The following N4BP2 variants were observed in gnomAD, a reference collection of about 807,000 sequenced individuals.
N4BP2 encodes NEDD4-binding protein 2.
N4BP2 carries 91 observed loss-of-function variants against 152.8 expected under a neutral mutation model. The ratio of observed to expected loss-of-function variants is 0.60; its 90% CI spans 0.50 to 0.71. The LOEUF (loss-of-function observed/expected upper bound fraction) is 0.71, where lower values mean the gene tolerates loss of function less well. N4BP2 is among the 30% of genes least tolerant of loss of function. The pLI is 0.00. For missense variants in N4BP2, 1,923 were observed against 2,059.1 expected, an observed-to-expected ratio of 0.93 and a Z score of 1.28; for synonymous variants, 646 against 705.3, an observed-to-expected ratio of 0.92 and a Z score of 1.33.
chr4:40,072,827 C>T (rs1293317173), intron 1 of N4BP2, among the ~76,000 whole-genome samples: 1 of 151,058 alleles, frequency 6.6e-6, no homozygotes, highest in African/African-American at 2.4e-5. Flanking sequence ...CCAGGTGATT[C>T]TCCTGTCTCA....
At chr4:40,158,870 T>C (rs1351018948), downstream of N4BP2, among the ~76,000 whole-genome samples, 1 of 152,234 alleles carries the variant, frequency 6.6e-6, no homozygotes, top group Non-Finnish European at 1.5e-5. Flanking sequence ...TCACTCATTT[T>C]GCAAGGACTT....
chr4:40,065,438 C>G (rs942124871), intron 1 of N4BP2, among the ~76,000 whole-genome samples: 2 of 151,836 alleles, frequency 1.3e-5, no homozygotes, highest in African/African-American at 4.8e-5. Context: ...AGAGGTAAAT[C>G]GAACAAAAGA....
At chr4:40,095,081 T>A (rs541661245) in intron 2 of N4BP2, among the ~76,000 whole-genome samples, 7 of 151,776 alleles carry the variant, frequency 4.6e-5, no homozygotes, top group Non-Finnish European at 8.8e-5. Flanking sequence ...TGGCCAGGGT[T>A]ACTATATCTT....
In N4BP2 at chr4:40,145,595, C is replaced by T. The variant is rs140811782; in HGVS notation, c.5143+795C>T. Among the ~76,000 whole-genome samples, 368 of 151,974 alleles carry T rather than the reference C, an allele frequency of 2.4e-3. 1 individual carries two copies. The highest frequency in any genetic ancestry group is 8.3e-3 in the African/African-American group (343 of 41,406). On this transcript the variant is annotated intron_variant, in intron 16 of 17. Coordinates refer to ENST00000261435, the MANE Select transcript of N4BP2 (RefSeq NM_018177.6). ...ATTAGAAAAGAGAAACTTTAAGAGC[C>T]GTTTAAATTATTATTTAATCCAGAG...
intron 5 of N4BP2, among the ~76,000 whole-genome samples, chr4:40,109,443 C>T (rs1289032589): frequency 6.6e-6 from 1 of 151,958 alleles, no homozygotes; most frequent in Non-Finnish European, 1.5e-5. Context: ...ATTGGCTGGG[C>T]GCGGTGGCTC....
intron 2 of N4BP2, among the ~76,000 whole-genome samples, chr4:40,087,675 C>T (rs539232028): frequency 6.6e-6 from 1 of 152,124 alleles, no homozygotes; most frequent in African/African-American, 2.4e-5. Flanking sequence ...CACGTGCACC[C>T]CGCCCCCTCC....
rs769143539 is a variant in N4BP2 at position 40,102,565 on chromosome 4, G to A, written c.720G>A (p.Pro240=). The A allele has an allele frequency of 9.9e-6, 16 of 1,613,970 alleles. No homozygotes were observed. The East Asian group carries it at 3.6e-4, about 36-fold the overall frequency. Residue 240 remains proline, a synonymous_variant, in exon 4 of 18, where the codon CCG becomes CCA. Coordinates refer to ENST00000261435, the MANE Select transcript of N4BP2 (RefSeq NM_018177.6). ...CATTGGCTTTGGAAAGTAACTACCC[G>A]GAAGATTCTCTTCTCAGTAGTTCTT... ...DNTLALESNY[P]EDSLLSSSLN...
intron 2 of N4BP2, among the ~76,000 whole-genome samples, chr4:40,073,753 C>CAAAATACAAAAAATA (rs1712448998): frequency 6.6e-6 from 1 of 151,990 alleles, no homozygotes; most frequent in African/African-American, 2.4e-5. Context: ...GCCACCACAC[C>CAAAATACAAAAAATA]CAGCTAATTT....
At chr4:40,172,956 C>T in the N4BP2 span, among the ~76,000 whole-genome samples, 1 of 152,030 alleles carries the variant, frequency 6.6e-6, no homozygotes. Context: ...GCAAAAGCAC[C>T]ACCCAGTATT....
chr4:40,137,367 G>A (rs548661731), intron 14 of N4BP2, among the ~76,000 whole-genome samples: 1 of 152,308 alleles, frequency 6.6e-6, no homozygotes, highest in East Asian at 1.9e-4. Context: ...GCAGTAATGT[G>A]ATGGGTCTTG....
intron 16 of N4BP2, among the ~76,000 whole-genome samples, chr4:40,152,433 G>A (rs1187301150): frequency 6.6e-6 from 1 of 152,086 alleles, no homozygotes; most frequent in Non-Finnish European, 1.5e-5. Context: ...GACTCCTTTT[G>A]TATAGTAATT....
At chr4:40,084,629 T>TAA (rs771074541) in intron 2 of N4BP2, among the ~76,000 whole-genome samples, 6 of 123,414 alleles carry the variant, frequency 4.9e-5, no homozygotes, top group South Asian at 2.4e-4. Context: ...TATATATATA[T>TAA]AATTTTTTTT....
chr4:40,058,277 T>C (rs749287457), intron 1 of N4BP2, among the ~76,000 whole-genome samples: 12 of 152,240 alleles, frequency 7.9e-5, no homozygotes, highest in Non-Finnish European at 1.8e-4. Flanking sequence ...AAAGACGCGC[T>C]TTAGGAAATG....
intron 1 of N4BP2, among the ~76,000 whole-genome samples, chr4:40,070,354 G>A (rs1712025915): frequency 6.6e-6 from 1 of 152,112 alleles, no homozygotes; most frequent in African/African-American, 2.4e-5. Context: ...TATATCTTCA[G>A]ATCTCGCCAA....
chr4:40,144,139 G>A (rs1285102130), intron 15 of N4BP2, among the ~76,000 whole-genome samples: 1 of 152,016 alleles, frequency 6.6e-6, no homozygotes. Context: ...TCCAAAGGCA[G>A]GAGGAGAACA....
the N4BP2 span, among the ~76,000 whole-genome samples, chr4:40,185,689 T>C: frequency 6.6e-6 from 1 of 152,180 alleles, no homozygotes; most frequent in African/African-American, 2.4e-5. Flanking sequence ...CATTTGTTTA[T>C]GACTAATCTT....
intron 2 of N4BP2, among the ~76,000 whole-genome samples, chr4:40,084,899 G>A (rs972768790): frequency 6.8e-6 from 1 of 147,774 alleles, no homozygotes; most frequent in Non-Finnish European, 1.5e-5. Context: ...ACAGGTGTGA[G>A]CCACAGCGCC....
chr4:40,177,536 A>G, the N4BP2 span, among the ~76,000 whole-genome samples: 18 of 152,252 alleles, frequency 1.2e-4, no homozygotes, highest in Non-Finnish European at 2.4e-4. Flanking sequence ...GAATTGCTTA[A>G]ACCCCGGAGG....
At chr4:40,171,133 C>G in the N4BP2 span, among the ~76,000 whole-genome samples, 1 of 152,158 alleles carries the variant, frequency 6.6e-6, no homozygotes, top group Non-Finnish European at 1.5e-5. Context: ...GCCTATCTTG[C>G]TAGGTTGCAT....
Sources: allele counts gnomAD v4.1 joint callset (sites outside exome capture counted in the v4.1 genomes callset), GRCh38; gene constraint gnomAD v4.1.1; transcripts MANE v1.5; gene names NCBI Gene and HGNC (gene_info 2026-07-23, HGNC 2026-07-21).